The following NELL1 variants were observed in gnomAD, a reference collection of about 807,000 sequenced individuals.
NELL1 encodes the protein neural EGFL like 1, also known as protein kinase C-binding protein NELL1.
Under a neutral mutation model 107.4 loss-of-function variants are expected in NELL1, and 76 were observed. The observed-to-expected ratio is 0.71, with a 90% CI of 0.59 to 0.86. NELL1 has a LOEUF of 0.86. NELL1 is among the 40% of genes least tolerant of loss of function. The pLI is 0.00. For missense variants in NELL1, 1,024 were observed against 1,005.5 expected (o/e 1.02, Z -0.25); for synonymous variants, 353 against 341.2 (o/e 1.03, Z -0.38).
intron 2 of NELL1, among the ~76,000 whole-genome samples, chr11:20,755,888 T>A (rs11025743): frequency 2.9e-4 from 14 of 48,218 alleles, no homozygotes; most frequent in Admixed American, 1.0e-3. Context: ...TTTTTTTTTT[T>A]TTTTTTTTTT....
At position 21,038,150 on chromosome 11, in the gene NELL1, C is replaced by T. The variant is rs539125548; in HGVS notation, c.1301-75439C>T. Among the ~76,000 whole-genome samples, 5 of 152,214 alleles carry T rather than the reference C, an allele frequency of 3.3e-5. No individual in the cohort carries two copies. The South Asian group carries it at 1.0e-3, about 32-fold the overall frequency. On this transcript the variant is annotated intron_variant, in intron 12 of 19. Transcript: ENST00000357134. The stretch of plus-strand genomic sequence containing the variant: ...AAGCGAACTGCAAGCATCCATTCTC[C>T]CAGCTGCATCAGGGCACAAAGGATT...
chr11:21,348,603 GA>G lies in NELL1; in HGVS notation c.1550-22242del, dbSNP rs560006054. On this transcript the variant is annotated intron_variant, in intron 14 of 19. Transcript: ENST00000357134. ...ATTTTGGGGTGGGGTTAAAAGAAAA[GA>G]AAAAAAACAGTGTTAAAATGTTTAG... Among the ~76,000 whole-genome samples the G allele has an allele frequency of 7.3e-5, 11 of 151,598 alleles. 1 individual carries two copies. Among genetic ancestry groups the G allele is most frequent in the Non-Finnish European group, 8.9e-5 (6 of 67,782 alleles).
chr11:21,134,813 G>C (rs973127339), intron 13 of NELL1, among the ~76,000 whole-genome samples: 1 of 152,090 alleles, frequency 6.6e-6, no homozygotes, highest in African/African-American at 2.4e-5. Context: ...GAGTATTGGA[G>C]GTATGACTGA....
chr11:21,111,965 C>G (rs562039574), intron 12 of NELL1, among the ~76,000 whole-genome samples: 2 of 152,124 alleles, frequency 1.3e-5, no homozygotes, highest in African/African-American at 4.8e-5. Context: ...AAATCACTTC[C>G]AAAATCTTAA....
intron 15 of NELL1, among the ~76,000 whole-genome samples, chr11:21,419,472 T>C (rs73457334): frequency 0.032 from 4,850 of 152,136 alleles, 235 homozygotes; most frequent in African/African-American, 0.11. Flanking sequence ...GTCACGGAAA[T>C]AGAGTCCAAT....
intron 12 of NELL1, among the ~76,000 whole-genome samples, chr11:21,034,552 T>G (rs1412180026): frequency 6.6e-6 from 1 of 152,198 alleles, no homozygotes; most frequent in East Asian, 1.9e-4. Context: ...AACAATCTCT[T>G]GGACTACAGT....
At chr11:21,293,591 A>G (rs1329992145) in intron 14 of NELL1, among the ~76,000 whole-genome samples, 1 of 152,202 alleles carries the variant, frequency 6.6e-6, no homozygotes, top group Non-Finnish European at 1.5e-5. Context: ...GTATATACTT[A>G]AAGGTTTGTA....
At chr11:20,714,008 T>C (rs985700790) in intron 2 of NELL1, among the ~76,000 whole-genome samples, 8 of 152,196 alleles carry the variant, frequency 5.3e-5, no homozygotes, top group African/African-American at 1.9e-4. Context: ...ACTCAGTTTT[T>C]TGTCTGTCTC....
chr11:21,266,191 A>AT (rs34976258), intron 14 of NELL1, among the ~76,000 whole-genome samples: 57,169 of 150,162 alleles, frequency 0.38, 11,725 homozygotes, highest in Non-Finnish European at 0.48. Context: ...CCATTTAGGT[A>AT]TTTTTTTTTT....
At chr11:21,108,250 C>T (rs1251285383) in intron 12 of NELL1, among the ~76,000 whole-genome samples, 3 of 152,092 alleles carry the variant, frequency 2.0e-5, no homozygotes, top group East Asian at 1.9e-4. Flanking sequence ...TCGCTTCTAT[C>T]GGTTACCCAG....
chr11:21,231,194 A>G (rs1228700922), intron 14 of NELL1, among the ~76,000 whole-genome samples: 1 of 152,200 alleles, frequency 6.6e-6, no homozygotes, highest in Non-Finnish European at 1.5e-5. Context: ...AGAACAATAT[A>G]GTATCATCAA....
intron 12 of NELL1, among the ~76,000 whole-genome samples, chr11:21,065,799 TTC>T (rs1316340587): frequency 6.6e-6 from 1 of 152,220 alleles, no homozygotes; most frequent in Non-Finnish European, 1.5e-5. Flanking sequence ...AGATTAAATG[TTC>T]TGATATTGTA....
chr11:21,032,296 T>C (rs542218987), intron 12 of NELL1, among the ~76,000 whole-genome samples: 1 of 152,256 alleles, frequency 6.6e-6, no homozygotes, highest in African/African-American at 2.4e-5. Flanking sequence ...TGTGGGTTGC[T>C]ACCCTTCAAG....
At chr11:21,196,883 CTTT>C (rs200792090) in intron 13 of NELL1, among the ~76,000 whole-genome samples, 1 of 136,278 alleles carries the variant, frequency 7.3e-6, no homozygotes, top group Non-Finnish European at 1.6e-5. Context: ...CTTTTCTTTT[CTTT>C]TTTTTTTTTT....
intron 14 of NELL1, among the ~76,000 whole-genome samples, chr11:21,311,510 A>G (rs186332599): frequency 1.3e-5 from 2 of 152,130 alleles, no homozygotes; most frequent in Admixed American, 1.3e-4. Context: ...CTTTTTACAC[A>G]AATATTAACA....
At chr11:21,501,191 T>C (rs1855132090) in intron 15 of NELL1, among the ~76,000 whole-genome samples, 1 of 152,210 alleles carries the variant, frequency 6.6e-6, no homozygotes, top group Non-Finnish European at 1.5e-5. Flanking sequence ...TCAGTGAATT[T>C]TATTACTGCT....
intron 13 of NELL1, among the ~76,000 whole-genome samples, chr11:21,153,917 C>T (rs950819281): frequency 2.0e-5 from 3 of 152,170 alleles, no homozygotes; most frequent in African/African-American, 7.2e-5. Context: ...CTATTCCCAA[C>T]CCCTGGAGAC....
At chr11:21,528,883 C>T (rs1475870205) in intron 15 of NELL1, among the ~76,000 whole-genome samples, 1 of 152,072 alleles carries the variant, frequency 6.6e-6, no homozygotes, top group South Asian at 2.1e-4. Flanking sequence ...TAGCTGCCTA[C>T]GTAATCTGTG....
intron 13 of NELL1, among the ~76,000 whole-genome samples, chr11:21,202,836 A>G (rs939900897): frequency 6.6e-6 from 1 of 152,026 alleles, no homozygotes; most frequent in Non-Finnish European, 1.5e-5. Context: ...CTTTGTTCTT[A>G]TTGGTTTCAA....
Sources: allele counts gnomAD v4.1 joint callset (sites outside exome capture counted in the v4.1 genomes callset), GRCh38; gene constraint gnomAD v4.1.1; transcripts MANE v1.5; gene names NCBI Gene and HGNC (gene_info 2026-07-23, HGNC 2026-07-21).